The following MCM3 variants were observed in gnomAD, a reference collection of about 807,000 sequenced individuals.
The protein encoded by MCM3 is minichromosome maintenance complex component 3, also known as DNA replication licensing factor MCM3.
In MCM3, 59 loss-of-function variants were observed where a neutral mutation model predicts 91.3. The observed-to-expected ratio is 0.65, with a 90% CI of 0.52 to 0.80. The LOEUF is 0.80. MCM3 is among the 30% of genes least tolerant of loss of function. MCM3 has a pLI of 0.00. For synonymous variants in MCM3, 383 were observed against 379.6 expected, an observed-to-expected ratio of 1.01 and a Z score of -0.10; for missense variants, 919 against 1,035.4, an observed-to-expected ratio of 0.89 and a Z score of 1.54.
At position 52,264,736 on chromosome 6, in the gene MCM3, G is replaced by A. The variant is rs779141230; in HGVS notation, c.2279C>T (p.Ala760Val). The change falls in exon 17 of 17, where the codon GCG (alanine) becomes GTG (valine). Residue 760 changes from alanine to valine, a missense_variant. Physicochemically the swap from Ala to Val is moderately conservative, Grantham distance 64. This residue lies in a region of MCM3 where 285 missense variants were observed against 311.4 expected (regional missense o/e 0.92). Transcript: ENST00000596288. ...GAGGCGATTCATGCCGATTGACTGCGCATGAGCTTCCCGGAACACATCCAA... is the reference window on the plus strand; with the variant it reads ...GAGGCGATTCATGCCGATTGACTGCACATGAGCTTCCCGGAACACATCCAA... ...ALLDVFREAH[A>V]QSIGMNRLTE... is the part of the protein sequence containing the mutation. 4.3e-6 allele frequency: 7 copies of A among 1,614,114 alleles called. No homozygotes were observed. Among genetic ancestry groups the A allele is most frequent in the South Asian group, 1.1e-5 (1 of 91,072 alleles).
In MCM3 at chr6:52,276,248, T is replaced by TG; in HGVS notation, c.1374+19dup. On this transcript the variant is annotated intron_variant, in intron 9 of 16. Coordinates refer to ENST00000596288, the MANE Select transcript of MCM3 (RefSeq NM_002388.6). ...ACCAAATGAAGGTGAGGACAATGGT[T>TG]GGGGCCTGATTCCACTTACCCTGCC... 6.3e-7 allele frequency: 1 copy of TG among 1,598,002 alleles called. No homozygotes were observed. The highest frequency in any genetic ancestry group is 8.5e-7 in the Non-Finnish European group (1 of 1,170,720).
intron 8 of MCM3, 94 bp downstream of exon 8, chr6:52,276,973 A>C: frequency 1.4e-6 from 2 of 1,455,160 alleles, no homozygotes; most frequent in African/African-American, 1.4e-5. Flanking sequence ...CAACTAACCT[A>C]TCAGCTGTAT....
At chr6:52,284,278 A>G (rs146645831) in intron 1 of MCM3, among the ~76,000 whole-genome samples, 1 of 152,264 alleles carries the variant, frequency 6.6e-6, no homozygotes, top group African/African-American at 2.4e-5. Context: ...GTCTCCTCAA[A>G]TCAAGAGAGA....
Position 52,278,814 on chromosome 6 carries a change from G to T in MCM3, c.807C>A (p.Ser269Arg). 1 of 1,613,918 alleles carries T rather than the reference G, an allele frequency of 6.2e-7. No individual in the cohort carries two copies. The highest frequency in any genetic ancestry group is 8.5e-7 in the Non-Finnish European group (1 of 1,179,892). ...VLIACNVKQM[S>R]KDAQPSFSAE... Reference sequence around the variant, plus strand: ...CAGAGAAAGAGGGCTGAGCATCCTTGCTCATCTGCTTAACATTACAGGCAA... The same window carrying T: ...CAGAGAAAGAGGGCTGAGCATCCTTTCTCATCTGCTTAACATTACAGGCAA... Residue 269 changes from serine (S) to arginine (R), a missense_variant, in exon 6 of 17, where the codon AGC becomes AGA. This residue lies in a region of MCM3 where 401 missense variants were observed against 402.7 expected (regional missense o/e 1.00). Transcript: ENST00000596288.
At chr6:52,278,093 A>G (rs1457138764) in intron 6 of MCM3, among the ~76,000 whole-genome samples, 5 of 151,100 alleles carry the variant, frequency 3.3e-5, no homozygotes, top group Non-Finnish European at 7.4e-5. Context: ...AAAAAAAAAA[A>G]AAAAGAAAAT....
At chr6:52,279,021 G>C (rs905762850) in intron 5 of MCM3, among the ~76,000 whole-genome samples, 171 bp from the exon 6 acceptor site, 1 of 152,200 alleles carries the variant, frequency 6.6e-6, no homozygotes, top group Non-Finnish European at 1.5e-5. Context: ...TTCTGTCTGT[G>C]ATCCAAATAT....
In MCM3 at chr6:52,270,756, G is replaced by T. The variant is rs1164705579; in HGVS notation, c.1828-1530C>A. On this transcript the variant is annotated intron_variant, in intron 12 of 16. Coordinates refer to ENST00000596288, the MANE Select transcript of MCM3 (RefSeq NM_002388.6). ...ACACCAGAAGTTCGCATGTGGAAAGGAACAGTTAAAAAGAAAGTAAGCTGT... is the reference window on the plus strand; with the variant it reads ...ACACCAGAAGTTCGCATGTGGAAAGTAACAGTTAAAAAGAAAGTAAGCTGT... Among the ~76,000 whole-genome samples the T allele has an allele frequency of 2.0e-5, 3 of 152,166 alleles. No individual in the cohort carries two copies. In the East Asian group the frequency reaches 5.8e-4, roughly 29 times the overall value.
rs1192195230 is a variant in MCM3, at chr6:52,282,783, G to C, written c.270C>G (p.Thr90=). The change falls in exon 3 of 17, where the codon ACC becomes ACG. Residue 90 remains threonine, a synonymous_variant. Transcript: ENST00000596288. The part of the protein sequence containing the change: ...LKDFVASIDA[T]YAKQYEEFYV... ...AGAACTCCTCATACTGCTTGGCATAGGTAGCATCAATGGAGGCCACAAAAT... is the reference window on the plus strand; with the variant it reads ...AGAACTCCTCATACTGCTTGGCATACGTAGCATCAATGGAGGCCACAAAAT... 3 of 1,613,908 alleles carry C rather than the reference G, an allele frequency of 1.9e-6. No homozygotes were observed. The highest frequency in any genetic ancestry group is 8.5e-7 in the Non-Finnish European group (1 of 1,180,018).
chr6:52,279,449 T>G lies in MCM3; in HGVS notation c.682A>C (p.Lys228Gln). ...DVILDDDLVD[K>Q]AKPGDRVQVV... ...TGAACCCGGTCACCAGGCTTCGCTT[T>G]ATCCACCAAGTCATCATCCAGAATG... is the stretch of plus-strand genomic sequence containing the variant. The change falls in exon 5 of 17, where the codon AAA (lysine) becomes CAA (glutamine). Residue 228 changes from lysine (K) to glutamine (Q), a missense_variant. Physicochemically the swap from Lys to Gln is moderately conservative, Grantham distance 53 (BLOSUM62 1). Transcript: ENST00000596288. 1 of 1,614,172 alleles carries G rather than the reference T, an allele frequency of 6.2e-7. No homozygotes were observed. Among genetic ancestry groups the G allele is most frequent in the Non-Finnish European group, 8.5e-7 (1 of 1,180,016 alleles).
chr6:52,266,262 A>G, intron 15 of MCM3, 118 bp from the exon 16 acceptor site: 1 of 788,996 alleles, frequency 1.3e-6, no homozygotes, highest in Non-Finnish European at 2.2e-6. Flanking sequence ...GAACACTCCT[A>G]TTTCCTAGGG....
At position 52,266,591 on chromosome 6, in the gene MCM3, CA is replaced by C; in HGVS notation, c.2158+19del. ...GAGTCACAGGAACAACCTCTTTCATCAGTAAGTGGGCTCACTCACCTTGAGG... is the reference window on the plus strand; with the variant it reads ...GAGTCACAGGAACAACCTCTTTCATCGTAAGTGGGCTCACTCACCTTGAGG... On this transcript the variant is annotated intron_variant, in intron 15 of 16. Coordinates refer to ENST00000596288, the MANE Select transcript of MCM3 (RefSeq NM_002388.6). The C allele has an allele frequency of 6.2e-7, 1 of 1,605,938 alleles. No individual in the cohort carries two copies. The highest frequency in any genetic ancestry group is 1.3e-5 in the African/African-American group (1 of 74,862).
intron 4 of MCM3, among the ~76,000 whole-genome samples, chr6:52,280,944 A>G (rs1421466880): frequency 6.6e-6 from 1 of 152,214 alleles, no homozygotes; most frequent in Non-Finnish European, 1.5e-5. Context: ...TTTATGTTTC[A>G]TTTCTCCACC....
At position 52,264,658 on chromosome 6, in the gene MCM3, T is replaced by C. The variant is rs749449564; in HGVS notation, c.2357A>G (p.Gln786Arg). ...ATCCTGCATCTTGCTCAGAGCAGCC[T>C]GGATCTCAACTGAAGAGAAGGGCTC... ...SEEPFSSVEI[Q>R]AALSKMQDDN... is the part of the protein sequence containing the mutation. The change falls in exon 17 of 17, where the codon CAG becomes CGG. Residue 786 changes from glutamine (Q) to arginine (R), a missense_variant. By Grantham distance (43) the Gln-to-Arg change is conservative (BLOSUM62 1). Around this residue, in one of 3 missense-constraint regions of MCM3, gnomAD observed 285 missense variants for 311.4 expected, o/e 0.92. Transcript: ENST00000596288. 4 of 1,614,202 alleles carry C rather than the reference T, an allele frequency of 2.5e-6. No individual in the cohort carries two copies. The highest frequency in any genetic ancestry group is 3.4e-6 in the Non-Finnish European group (4 of 1,180,036).
rs988694851 is a variant in MCM3, at chr6:52,264,394, C to A, written c.*194G>T. 23 of 588,504 alleles carry A rather than the reference C, an allele frequency of 3.9e-5. No individual in the cohort carries two copies. Among genetic ancestry groups the A allele is most frequent in the Non-Finnish European group, 6.9e-5 (23 of 331,692 alleles). The allele number at this position is 588,504 out of a possible 1,614,324, so 36.5% of individuals were successfully genotyped here. A position where few individuals can be genotyped will look rare whatever the true frequency, so the allele number is the denominator to read the frequency against. On this transcript the variant is annotated 3_prime_UTR_variant, in exon 17 of 17. Coordinates refer to ENST00000596288, the MANE Select transcript of MCM3 (RefSeq NM_002388.6). ...TCTCCCACTGTCTCCTCTTTCCTCA[C>A]CCCATGGCAGCTTTCATGACCCATT...
chr6:52,264,250 C>T lies in MCM3; in HGVS notation c.*338G>A, dbSNP rs185438475. The T allele has an allele frequency of 1.7e-5, 4 of 240,116 alleles. No individual in the cohort carries two copies. The Admixed American group carries it at 2.1e-4, about 12-fold the overall frequency. 14.9% of individuals were successfully genotyped at this position (240,116 alleles called of 1,614,324 possible). A position where few individuals can be genotyped will look rare whatever the true frequency, so the allele number is the denominator to read the frequency against. ...AAACAAAAAAACAGCAAACAGAAAA[C>T]AGTTGTGCCCCCAAAAGTACTCAGA... On this transcript the variant is annotated 3_prime_UTR_variant, in exon 17 of 17. Coordinates refer to ENST00000596288, the MANE Select transcript of MCM3 (RefSeq NM_002388.6).
chr6:52,269,009 C>A, intron 13 of MCM3, 77 bp downstream of exon 13: 1 of 1,476,474 alleles, frequency 6.8e-7, no homozygotes, highest in Non-Finnish European at 9.2e-7. Context: ...TAGCCGTCAG[C>A]CACGGAAGGC....
chr6:52,266,560 G>A (rs1764657948), intron 15 of MCM3, 51 bp downstream of exon 15: 2 of 1,527,808 alleles, frequency 1.3e-6, no homozygotes, highest in Non-Finnish European at 1.8e-6. Flanking sequence ...AACTGGAAAA[G>A]TCCAAGAGTC....
intron 4 of MCM3, among the ~76,000 whole-genome samples, chr6:52,281,001 C>T (rs887332898): frequency 2.0e-5 from 3 of 152,160 alleles, no homozygotes; most frequent in Non-Finnish European, 4.4e-5. Flanking sequence ...ATATCCTTGT[C>T]CTCCATAGCG....
At chr6:52,275,782 A>G (rs556647369) in intron 9 of MCM3, among the ~76,000 whole-genome samples, 2 of 152,354 alleles carry the variant, frequency 1.3e-5, no homozygotes, top group South Asian at 4.1e-4. Flanking sequence ...AATATAAAAG[A>G]TTATATCTAG....
Sources: allele counts gnomAD v4.1 joint callset (sites outside exome capture counted in the v4.1 genomes callset), GRCh38; gene constraint gnomAD v4.1.1; regional missense constraint gnomAD v4.1.1; transcripts MANE v1.5; gene names NCBI Gene and HGNC (gene_info 2026-07-23, HGNC 2026-07-21).